The following CDKL5 variants were observed in gnomAD, a reference collection of about 807,000 sequenced individuals.
CDKL5 encodes cyclin dependent kinase like 5.
In CDKL5, 8 loss-of-function variants were observed where a neutral mutation model predicts 61.7. The observed-to-expected ratio is 0.13, with a 90% CI of 0.08 to 0.23. The LOEUF is 0.23. Among genes scored for constraint, CDKL5 ranks in the 10% least tolerant of loss-of-function variants. The pLI is 1.00. For synonymous variants in CDKL5, 275 were observed against 272.3 expected (o/e 1.01, Z -0.10); for missense variants, 440 against 734.5 (o/e 0.60, Z 4.63).
At chrX:18,601,032 G>A (rs1926160627) in intron 11 of CDKL5, among the ~76,000 whole-genome samples, 1 of 111,476 alleles carries the variant, frequency 9.0e-6, no homozygotes, top group Non-Finnish European at 1.9e-5. Context: ...ACAAACGATG[G>A]CTCCCTAAGA....
At chrX:18,612,458 G>T (rs746914130) in intron 14 of CDKL5, among the ~76,000 whole-genome samples, 4 of 110,150 alleles carry the variant, frequency 3.6e-5, no homozygotes, top group African/African-American at 1.3e-4. Context: ...ACTTGAGCTC[G>T]AGAGTTCGAG....
chrX:18,485,098 CT>C (rs767729217), intron 1 of CDKL5, among the ~76,000 whole-genome samples: 306 of 100,599 alleles, frequency 3.0e-3, no homozygotes, highest in African/African-American at 3.3e-3. Context: ...ATTTTTTTTT[CT>C]TTTTTTTTTT....
intron 1 of CDKL5, among the ~76,000 whole-genome samples, chrX:18,460,786 C>G (rs1176508105): frequency 1.8e-5 from 2 of 112,049 alleles, no homozygotes; most frequent in Admixed American, 1.9e-4. Context: ...TAGGTGTGAG[C>G]CACCATTCCT....
In CDKL5 at chrX:18,558,425, A is replaced by G. The variant is rs747104495; in HGVS notation, c.100-6052A>G. 6.3e-5 allele frequency among the ~76,000 whole-genome samples: 7 copies of G among 111,651 alleles called. No individual in the cohort carries two copies. The East Asian group carries it at 8.4e-4, about 13-fold the overall frequency. ...TTCTCTTTGTCTACACCTTTATTAT[A>G]TATCGCATCTCAGGGTGGTGGTAGA... On this transcript the variant is annotated intron_variant, in intron 3 of 17. Coordinates refer to ENST00000623535, the MANE Select transcript of CDKL5 (RefSeq NM_001323289.2).
At chrX:18,604,912 A>G (rs1429760304) in intron 12 of CDKL5, 44 bp downstream of exon 12, 5 of 1,198,792 alleles carry the variant, frequency 4.2e-6, no homozygotes, top group Non-Finnish European at 4.5e-6. Flanking sequence ...CCTTCAGGGG[A>G]AGGTGGTACG....
chrX:18,511,835 A>C (rs1922842862), intron 3 of CDKL5, among the ~76,000 whole-genome samples: 1 of 112,398 alleles, frequency 8.9e-6, no homozygotes, highest in Admixed American at 9.5e-5. Context: ...TCAAGTACTT[A>C]TGAGCAAAGA....
Position 18,646,090 on chromosome X carries a change from G to A in CDKL5, c.2797G>A (p.Gly933Arg). Residue 933 changes from glycine (G) to arginine (R), a missense_variant and splice_region_variant, in exon 20 of 22, where the codon GGA becomes AGA. Physicochemically the swap from Gly to Arg is moderately radical, Grantham distance 125. Coordinates refer to the CDKL5 transcript ENST00000379989. ...CATGTTAAGGACGACAGAACAACAA[G>A]GTAGAGTCTGGGCCCCGCATGCCAT... The A allele has an allele frequency of 8.3e-7, 1 of 1,211,934 alleles. No individual in the cohort carries two copies. Among genetic ancestry groups the A allele is most frequent in the Non-Finnish European group, 1.1e-6 (1 of 895,541 alleles).
chrX:18,555,009 A>T (rs758907750), intron 3 of CDKL5, among the ~76,000 whole-genome samples: 27 of 111,293 alleles, frequency 2.4e-4, no homozygotes, highest in Admixed American at 8.6e-4. Context: ...TTACGTAGGT[A>T]TACACGTGCC....
At chrX:18,483,252 T>C (rs3788813) in intron 1 of CDKL5, among the ~76,000 whole-genome samples, 5,278 of 111,581 alleles carry the variant, frequency 0.047, 226 homozygotes, top group East Asian at 0.19. Flanking sequence ...GTATCAGTTC[T>C]TCTTAATGAA....
chrX:18,437,822 A>G (rs1486634111), intron 1 of CDKL5, among the ~76,000 whole-genome samples: 1 of 111,885 alleles, frequency 8.9e-6, no homozygotes, highest in Non-Finnish European at 1.9e-5. Context: ...CTACATGCTG[A>G]ATTCTTTTTA....
At chrX:18,521,480 G>C (rs924370951) in intron 3 of CDKL5, among the ~76,000 whole-genome samples, 3 of 111,213 alleles carry the variant, frequency 2.7e-5, no homozygotes, top group African/African-American at 9.8e-5. Context: ...TGGTACAGTA[G>C]TATAGTTTTA....
chrX:18,450,795 A>C (rs1327158192), intron 1 of CDKL5, among the ~76,000 whole-genome samples: 1 of 110,532 alleles, frequency 9.0e-6, no homozygotes, highest in Non-Finnish European at 1.9e-5. Context: ...GGCTAGTCTC[A>C]AACTCCTGAC....
At chrX:18,477,983 C>T (rs1921381918) in intron 1 of CDKL5, among the ~76,000 whole-genome samples, 1 of 111,360 alleles carries the variant, frequency 9.0e-6, no homozygotes, top group East Asian at 2.8e-4. Context: ...TCCCACCCAC[C>T]TCCTTTGTGC....
intron 1 of CDKL5, among the ~76,000 whole-genome samples, chrX:18,486,196 A>G (rs1921787007): frequency 9.0e-6 from 1 of 111,719 alleles, no homozygotes; most frequent in Non-Finnish European, 1.9e-5. Context: ...CTTTTCATAG[A>G]ATGCCTTTAC....
chrX:18,506,362 T>C (rs1355005146), intron 1 of CDKL5, among the ~76,000 whole-genome samples: 6 of 112,116 alleles, frequency 5.4e-5, no homozygotes, highest in Non-Finnish European at 1.1e-4. Context: ...CTAGGAAATA[T>C]ATGTATGTGA....
chrX:18,475,704 T>C (rs1200928756), intron 1 of CDKL5, among the ~76,000 whole-genome samples: 1 of 112,739 alleles, frequency 8.9e-6, no homozygotes, highest in African/African-American at 3.2e-5. Flanking sequence ...TAATTTATTT[T>C]AGCCTTCTAA....
intron 11 of CDKL5, among the ~76,000 whole-genome samples, chrX:18,602,163 G>A (rs924298250): frequency 8.9e-6 from 1 of 111,921 alleles, no homozygotes; most frequent in African/African-American, 3.2e-5. Context: ...AGGAAGCGTG[G>A]GTGACAATCT....
chrX:18,476,955 A>G (rs1921338595), intron 1 of CDKL5, among the ~76,000 whole-genome samples: 1 of 111,646 alleles, frequency 9.0e-6, no homozygotes, highest in Non-Finnish European at 1.9e-5. Flanking sequence ...TTTTTAGTAG[A>G]GATGGAGTTT....
At chrX:18,437,753 G>A (rs1931640829) in intron 1 of CDKL5, among the ~76,000 whole-genome samples, 1 of 112,101 alleles carries the variant, frequency 8.9e-6, no homozygotes, top group African/African-American at 3.2e-5. Flanking sequence ...ATATATAAGT[G>A]CTATAAAGGT....
Sources: gnomAD v4.1 joint callset for allele counts (sites outside exome capture counted in the v4.1 genomes callset) on GRCh38, gnomAD v4.1.1 for gene constraint, MANE v1.5 for transcripts, NCBI Gene and HGNC (gene_info 2026-07-23, HGNC 2026-07-21) for gene names.